DYNC1I2: variants seen among roughly 807,000 people sequenced by gnomAD.
The protein encoded by DYNC1I2 is cytoplasmic dynein 1 intermediate chain 2.
A neutral mutation model predicts 88.6 loss-of-function variants in DYNC1I2; 53 were observed. The ratio of observed to expected loss-of-function variants is 0.60; its 90% CI spans 0.48 to 0.75. The LOEUF is 0.75. Ranked by LOEUF, DYNC1I2 falls within the 30% of genes least tolerant of loss-of-function variation. The pLI, the probability that DYNC1I2 is intolerant of heterozygous loss-of-function variation, is 0.00. For missense variants in DYNC1I2, 458 were observed against 766.6 expected (o/e 0.60, Z 4.75); for synonymous variants, 198 against 254.6 (o/e 0.78, Z 2.12).
chr2:171,696,251 T>G (rs1476403210), intron 3 of DYNC1I2, among the ~76,000 whole-genome samples: 1 of 152,206 alleles, frequency 6.6e-6, no homozygotes, highest in Non-Finnish European at 1.5e-5. Context: ...GGCTAAGTAT[T>G]CCTAATCCAA....
chr2:171,706,542 T>G lies in DYNC1I2; in HGVS notation c.227-5T>G, dbSNP rs781494417. On this transcript the variant is annotated splice_region_variant and splice_polypyrimidine_tract_variant and intron_variant, in intron 3 of 17. Coordinates refer to ENST00000397119, the MANE Select transcript of DYNC1I2 (RefSeq NM_001378.3). ...GGTGTCTGTATCTTTGTCTGTACAC[T>G]TCAGTTTTTTCTGAATACTGGGGTA... is the stretch of plus-strand genomic sequence containing the variant. 1 of 1,611,828 alleles carries G rather than the reference T, an allele frequency of 6.2e-7. No homozygotes were observed. Among genetic ancestry groups the G allele is most frequent in the South Asian group, 1.1e-5 (1 of 90,918 alleles).
rs1373249623 is a variant in DYNC1I2, at chr2:171,726,887, A to G, written c.967A>G (p.Thr323Ala). 6.2e-7 allele frequency: 1 copy of G among 1,611,634 alleles called. No individual in the cohort carries two copies. Among genetic ancestry groups the G allele is most frequent in the Non-Finnish European group, 8.5e-7 (1 of 1,178,710 alleles). The change falls in exon 11 of 18, where the codon ACT becomes GCT. Residue 323 changes from threonine to alanine, a missense_variant. Around this residue, in one of 5 missense-constraint regions of DYNC1I2, gnomAD observed 203 missense variants for 354.2 expected, o/e 0.57. Coordinates refer to ENST00000397119, the MANE Select transcript of DYNC1I2 (RefSeq NM_001378.3). ...ALVWNMKYKK[T>A]TPEYVFHCQS... ...TGTATGGAATATGAAATACAAAAAA[A>G]CTACCCCAGAGTATGTGTTTCACTG...
In DYNC1I2 at chr2:171,748,372, A is replaced by C. The variant is rs1385003037; in HGVS notation, c.*483A>C. On this transcript the variant is annotated 3_prime_UTR_variant, in exon 18 of 18. Coordinates refer to ENST00000397119, the MANE Select transcript of DYNC1I2 (RefSeq NM_001378.3). ...ACATCCTTTGTTGTCTTTATAATTC[A>C]TGTGGTAGTTACCTATAAATAAAAA... 1.3e-5 allele frequency: 2 copies of C among 152,210 alleles called. No homozygotes were observed. The highest frequency in any genetic ancestry group is 6.5e-5 in the Admixed American group (1 of 15,268). The allele number at this position is 152,210 out of a possible 1,614,324, so 9.4% of individuals were successfully genotyped here. A position where few individuals can be genotyped will look rare whatever the true frequency, so the allele number is the denominator to read the frequency against.
intron 7 of DYNC1I2, among the ~76,000 whole-genome samples, chr2:171,724,336 T>C (rs1482093022): frequency 6.6e-6 from 1 of 152,212 alleles, no homozygotes; most frequent in Non-Finnish European, 1.5e-5. Context: ...GCCTACAAGC[T>C]GCATTTTGTT....
At chr2:171,708,705 A>AT (rs983376810) in intron 5 of DYNC1I2, among the ~76,000 whole-genome samples, 14 of 149,760 alleles carry the variant, frequency 9.3e-5, no homozygotes, top group South Asian at 8.4e-4. Flanking sequence ...TTTATTTTTT[A>AT]TTTTTTTTGC....
intron 4 of DYNC1I2, chr2:171,707,005 G>C (rs1686730145): frequency 1.9e-6 from 1 of 528,018 alleles, no homozygotes; most frequent in African/African-American, 1.9e-5. Flanking sequence ...TGATGGATGA[G>C]ATGAAGATGC....
intron 7 of DYNC1I2, among the ~76,000 whole-genome samples, chr2:171,725,210 A>T (rs938598841): frequency 4.6e-5 from 7 of 152,196 alleles, no homozygotes; most frequent in African/African-American, 1.7e-4. Flanking sequence ...ATTCTACAGC[A>T]TTAATGTGTC....
chr2:171,745,748 T>C, intron 16 of DYNC1I2, 54 bp from the exon 17 acceptor site: 1 of 1,559,480 alleles, frequency 6.4e-7, no homozygotes, highest in Non-Finnish European at 8.7e-7. Flanking sequence ...TTTACATGTT[T>C]ATAGAAATCT....
rs181836783 is a variant in DYNC1I2 at position 171,716,063 on chromosome 2, A to G, written c.511+620A>G. ...CAAATAGCTAACGATTCAAGCATAAAGTACTACGATCTCATTTTCCCAGTG... is the reference window on the plus strand; with the variant it reads ...CAAATAGCTAACGATTCAAGCATAAGGTACTACGATCTCATTTTCCCAGTG... On this transcript the variant is annotated intron_variant, in intron 7 of 17. Coordinates refer to ENST00000397119, the MANE Select transcript of DYNC1I2 (RefSeq NM_001378.3). Among the ~76,000 whole-genome samples the G allele has an allele frequency of 5.7e-4, 87 of 152,278 alleles. 1 individual carries two copies. Among genetic ancestry groups the G allele is most frequent in the Admixed American group, 5.6e-3 (85 of 15,278 alleles).
In DYNC1I2 at chr2:171,728,858, T is replaced by G. The variant is rs1421185964; in HGVS notation, c.1391+8T>G. 1.3e-6 allele frequency: 2 copies of G among 1,599,264 alleles called. No homozygotes were observed. Among genetic ancestry groups the G allele is most frequent in the Non-Finnish European group, 1.7e-6 (2 of 1,174,916 alleles). On this transcript the variant is annotated splice_region_variant and intron_variant, in intron 14 of 17. Transcript: ENST00000397119. ...AGCATGCCGCCATGGCAGGTAAACC[T>G]AAACTGGAATTTGCAATAATTTAAA...
chr2:171,712,741 T>G (rs1559379278), intron 5 of DYNC1I2, 26 bp from the exon 6 acceptor site: 1 of 1,598,840 alleles, frequency 6.3e-7, no homozygotes, highest in Non-Finnish European at 8.5e-7. Context: ...TTGCTAATGC[T>G]TCATGGTTGT....
chr2:171,737,155 T>C (rs1387113967), intron 15 of DYNC1I2, among the ~76,000 whole-genome samples: 4 of 152,202 alleles, frequency 2.6e-5, no homozygotes, highest in Admixed American at 2.0e-4. Context: ...ATCCTTGCTG[T>C]TTCATTGACT....
At chr2:171,689,681 G>A (rs1380673266) in intron 1 of DYNC1I2, among the ~76,000 whole-genome samples, 1 of 151,702 alleles carries the variant, frequency 6.6e-6, no homozygotes, top group Non-Finnish European at 1.5e-5. Context: ...CATTTTTTAA[G>A]TCTTAGTAAT....
At chr2:171,724,578 A>G (rs1688112784) in intron 7 of DYNC1I2, among the ~76,000 whole-genome samples, 1 of 152,134 alleles carries the variant, frequency 6.6e-6, no homozygotes, top group Non-Finnish European at 1.5e-5. Flanking sequence ...ATTCTTGACC[A>G]TTCTTTTGTG....
Position 171,749,167 on chromosome 2 carries a change from T to C in DYNC1I2, c.*1278T>C, listed in dbSNP as rs1185688399. Among the ~76,000 whole-genome samples the C allele has an allele frequency of 2.0e-5, 3 of 152,164 alleles. No homozygotes were observed. Among genetic ancestry groups the C allele is most frequent in the Non-Finnish European group, 2.9e-5 (2 of 67,990 alleles). Reference sequence around the variant, plus strand: ...GAGTAGTGTATAGTGTAAGGAATAATTGACCTGGAATTATTGGCCCCAAAC... The same window carrying C: ...GAGTAGTGTATAGTGTAAGGAATAACTGACCTGGAATTATTGGCCCCAAAC... On this transcript the variant is annotated 3_prime_UTR_variant, in exon 18 of 18. Transcript: ENST00000397119.
At chr2:171,716,856 A>G (rs762472188) in intron 7 of DYNC1I2, among the ~76,000 whole-genome samples, 26 of 151,948 alleles carry the variant, frequency 1.7e-4, no homozygotes, top group Admixed American at 1.5e-3. Context: ...CAGTGAGCCA[A>G]AATTGCGCCA....
chr2:171,709,485 G>T (rs750762448), intron 5 of DYNC1I2, among the ~76,000 whole-genome samples: 1 of 152,130 alleles, frequency 6.6e-6, no homozygotes, highest in Non-Finnish European at 1.5e-5. Flanking sequence ...AATTTACATT[G>T]TAGTGATTAC....
At position 171,728,509 on chromosome 2, in the gene DYNC1I2, T is replaced by C. The variant is rs965812009; in HGVS notation, c.1257+91T>C. On this transcript the variant is annotated intron_variant, in intron 13 of 17. Transcript: ENST00000397119. ...AACTTATGTTTCTCATAAACTGTTT[T>C]ATAGTAGTGTTACAACAGCTTATAA... 18 of 861,610 alleles carry C rather than the reference T, an allele frequency of 2.1e-5. No homozygotes were observed. In the Middle Eastern group the frequency reaches 7.4e-4, roughly 36 times the overall value. The allele number at this position is 861,610 out of a possible 1,614,324, so 53.4% of individuals were successfully genotyped here. A position where few individuals can be genotyped will look rare whatever the true frequency, so the allele number is the denominator to read the frequency against.
intron 17 of DYNC1I2, among the ~76,000 whole-genome samples, 166 bp downstream of exon 17, chr2:171,746,093 C>A (rs1689758493): frequency 6.6e-6 from 1 of 152,160 alleles, no homozygotes; most frequent in African/African-American, 2.4e-5. Context: ...GAAACATTTT[C>A]TTTCTAAACC....
Sources: gnomAD v4.1 joint callset for allele counts (sites outside exome capture counted in the v4.1 genomes callset) on GRCh38, gnomAD v4.1.1 for gene constraint, gnomAD v4.1.1 regional missense constraint, MANE v1.5 for transcripts, NCBI Gene and HGNC (gene_info 2026-07-23, HGNC 2026-07-21) for gene names.